The following ZNF804A variants were observed in gnomAD, a reference collection of about 807,000 sequenced individuals.
The protein encoded by ZNF804A is zinc finger protein 804A.
Under a neutral mutation model 16.5 loss-of-function variants are expected in ZNF804A, and 2 were observed. That is an observed-to-expected ratio of 0.12 (90% CI 0.05 to 0.38). The LOEUF is 0.38. Ranked by LOEUF, ZNF804A falls within the 10% of genes least tolerant of loss-of-function variation. The pLI, the probability that ZNF804A is intolerant of heterozygous loss-of-function variation, is 0.99. For synonymous variants in ZNF804A, 534 were observed against 489.6 expected, an observed-to-expected ratio of 1.09 and a Z score of -1.20; for missense variants, 1,473 against 1,390.7, an observed-to-expected ratio of 1.06 and a Z score of -0.94.
chr2:184,875,916 A>G (rs1453078703), intron 2 of ZNF804A, among the ~76,000 whole-genome samples: 3 of 152,082 alleles, frequency 2.0e-5, no homozygotes, highest in South Asian at 4.1e-4. Context: ...TTTTCCCTGT[A>G]AGAGATTTGT....
At chr2:184,636,549 CTGTGTGTGTGTGTGTGTGTG>C (rs71011052) in intron 1 of ZNF804A, among the ~76,000 whole-genome samples, 48 of 138,512 alleles carry the variant, frequency 3.5e-4, no homozygotes, top group African/African-American at 1.2e-3. Context: ...GGCTCTAGGG[CTGTGTGTGTGTGTGTGTGTG>C]TGTGTGTGTG....
intron 1 of ZNF804A, among the ~76,000 whole-genome samples, chr2:184,650,006 T>G (rs1360202999): frequency 6.6e-6 from 1 of 151,628 alleles, no homozygotes; most frequent in East Asian, 1.9e-4. Context: ...ACACACAACA[T>G]AAAAAAGAAA....
chr2:184,927,347 G>A (rs1685627472), intron 2 of ZNF804A, among the ~76,000 whole-genome samples: 1 of 152,184 alleles, frequency 6.6e-6, no homozygotes, highest in Non-Finnish European at 1.5e-5. Flanking sequence ...CCAAACAAAT[G>A]GAGTCTCTCT....
chr2:184,650,948 A>G (rs983006984), intron 1 of ZNF804A, among the ~76,000 whole-genome samples: 4 of 152,106 alleles, frequency 2.6e-5, no homozygotes, highest in Non-Finnish European at 5.9e-5. Context: ...ATATTCTAAA[A>G]TGTGTATGGT....
At chr2:184,793,381 A>G (rs1694581500) in intron 1 of ZNF804A, among the ~76,000 whole-genome samples, 1 of 152,028 alleles carries the variant, frequency 6.6e-6, no homozygotes. Flanking sequence ...CTTAATTTAC[A>G]TTTCCACCCA....
At chr2:184,922,831 A>G (rs1371540274) in intron 2 of ZNF804A, among the ~76,000 whole-genome samples, 2 of 152,042 alleles carry the variant, frequency 1.3e-5, no homozygotes. Flanking sequence ...CATTTCCCCA[A>G]TGTATGTTCT....
chr2:184,779,460 G>T (rs1382625860), intron 1 of ZNF804A, among the ~76,000 whole-genome samples: 1 of 151,712 alleles, frequency 6.6e-6, no homozygotes, highest in Non-Finnish European at 1.5e-5. Context: ...CTGTGAATAT[G>T]TTAGGTTACA....
At chr2:184,829,773 G>A (rs1695229375) in intron 1 of ZNF804A, among the ~76,000 whole-genome samples, 1 of 150,472 alleles carries the variant, frequency 6.6e-6, no homozygotes, top group Admixed American at 6.6e-5. Context: ...TATAAAATAA[G>A]AAAATAGGCT....
At chr2:184,927,057 T>C (rs1031956367) in intron 2 of ZNF804A, among the ~76,000 whole-genome samples, 25 of 152,232 alleles carry the variant, frequency 1.6e-4, no homozygotes, top group African/African-American at 5.1e-4. Context: ...TTGGTCTTAA[T>C]ACTTAGGAAT....
chr2:184,811,560 T>C (rs1694903337), intron 1 of ZNF804A, among the ~76,000 whole-genome samples: 2 of 152,074 alleles, frequency 1.3e-5, no homozygotes, highest in South Asian at 4.1e-4. Flanking sequence ...AGAATTTAAA[T>C]ATTGAAGCCA....
intron 1 of ZNF804A, among the ~76,000 whole-genome samples, chr2:184,768,390 A>G (rs1318560656): frequency 6.6e-6 from 1 of 152,072 alleles, no homozygotes; most frequent in Non-Finnish European, 1.5e-5. Context: ...CTCCTAGTGG[A>G]CTTTATGAAA....
chr2:184,916,966 A>G (rs1048671702), intron 2 of ZNF804A, among the ~76,000 whole-genome samples: 2 of 152,160 alleles, frequency 1.3e-5, no homozygotes, highest in African/African-American at 4.8e-5. Flanking sequence ...GAATCTATTG[A>G]TTTTTCTGCT....
intron 1 of ZNF804A, among the ~76,000 whole-genome samples, chr2:184,829,940 A>C (rs1438651668): frequency 2.1e-5 from 3 of 143,938 alleles, no homozygotes; most frequent in Non-Finnish European, 4.5e-5. Context: ...AAAAAAAAAA[A>C]AACCACACAC....
chr2:184,789,202 T>C (rs1194990542), intron 1 of ZNF804A, among the ~76,000 whole-genome samples: 1 of 152,012 alleles, frequency 6.6e-6, no homozygotes, highest in Non-Finnish European at 1.5e-5. Context: ...TGATCATGGT[T>C]AATTATTTTT....
At chr2:184,715,915 C>A (rs1693205085) in intron 1 of ZNF804A, among the ~76,000 whole-genome samples, 1 of 152,074 alleles carries the variant, frequency 6.6e-6, no homozygotes, top group Non-Finnish European at 1.5e-5. Context: ...AGGCATTCAA[C>A]TAATACATTT....
intron 1 of ZNF804A, among the ~76,000 whole-genome samples, chr2:184,605,231 A>T (rs1010436508): frequency 6.6e-6 from 1 of 152,150 alleles, no homozygotes; most frequent in African/African-American, 2.4e-5. Context: ...CCAAAAAAAG[A>T]TAGCAGTTAT....
At chr2:184,765,299 A>G (rs925730266) in intron 1 of ZNF804A, among the ~76,000 whole-genome samples, 4 of 152,118 alleles carry the variant, frequency 2.6e-5, no homozygotes, top group African/African-American at 9.7e-5. Context: ...TACTATGGTA[A>G]TAAGGGAGGA....
At chr2:184,641,627 A>G (rs892618967) in intron 1 of ZNF804A, among the ~76,000 whole-genome samples, 1 of 152,246 alleles carries the variant, frequency 6.6e-6, no homozygotes, top group African/African-American at 2.4e-5. Flanking sequence ...ATGTACACAT[A>G]TATATCATTG....
chr2:184,816,545 A>G (rs1031432928), intron 1 of ZNF804A, among the ~76,000 whole-genome samples: 12 of 152,076 alleles, frequency 7.9e-5, no homozygotes, highest in Middle Eastern at 3.4e-3. Context: ...TCAACGTTCA[A>G]TGTTCCTTTT....
Sources: gnomAD v4.1 joint callset for allele counts (sites outside exome capture counted in the v4.1 genomes callset) on GRCh38, gnomAD v4.1.1 for gene constraint, MANE v1.5 for transcripts, NCBI Gene and HGNC (gene_info 2026-07-23, HGNC 2026-07-21) for gene names.